SLC51A: variants seen among roughly 807,000 people sequenced by gnomAD.
SLC51A encodes organic solute transporter subunit alpha.
SLC51A carries 22 observed loss-of-function variants against 34.8 expected under a neutral mutation model. The observed-to-expected ratio is 0.63, with a 90% CI of 0.45 to 0.90. The LOEUF (loss-of-function observed/expected upper bound fraction) is 0.90, where lower values mean the gene tolerates loss of function less well. Ranked by LOEUF, SLC51A falls within the 40% of genes least tolerant of loss-of-function variation. SLC51A has a pLI of 0.00. For missense variants in SLC51A, 371 were observed against 414.8 expected (o/e 0.89, Z 0.92); for synonymous variants, 181 against 176.3 (o/e 1.03, Z -0.21).
intron 2 of SLC51A, 99 bp from the exon 3 acceptor site, chr3:196,226,866 G>T: frequency 8.3e-7 from 1 of 1,203,122 alleles, no homozygotes; most frequent in Non-Finnish European, 1.2e-6. Flanking sequence ...TGCACGGGTG[G>T]GAGCCTAGAT....
chr3:196,219,577 T>C (rs1240618294), intron 2 of SLC51A, among the ~76,000 whole-genome samples: 1 of 152,358 alleles, frequency 6.6e-6, no homozygotes, highest in Non-Finnish European at 1.5e-5. Context: ...CGGAGATGCC[T>C]GGTGGCCACT....
chr3:196,231,202 T>C (rs763502953), intron 7 of SLC51A, among the ~76,000 whole-genome samples: 2 of 152,206 alleles, frequency 1.3e-5, no homozygotes, highest in East Asian at 3.8e-4. Flanking sequence ...CAAAGGCACA[T>C]AAGGAACGGG....
chr3:196,228,492 C>T lies in SLC51A; in HGVS notation c.521+219C>T. 2 of 636,630 alleles carry T rather than the reference C, an allele frequency of 3.1e-6. No individual in the cohort carries two copies. The highest frequency in any genetic ancestry group is 5.4e-6 in the Non-Finnish European group (2 of 372,826). 39.4% of individuals were successfully genotyped at this position (636,630 alleles called of 1,614,324 possible). ...CATCACTGAACTTCACTGCACCCTG[C>T]AAGCCTTAGCCACACAGAGAAAACT... On this transcript the variant is annotated intron_variant, in intron 5 of 8. Transcript: ENST00000296327. The surrounding 1 kb of genome is among the most constrained non-coding windows in gnomAD (Gnocchi z 4.9).
Position 196,229,986 on chromosome 3 carries a change from C to T in SLC51A, c.705C>T (p.Thr235=). 6.2e-7 allele frequency: 1 copy of T among 1,613,824 alleles called. No individual in the cohort carries two copies. The part of the protein sequence containing the change: ...LGVSTLLALW[T]LGIISRQARL... Reference sequence around the variant, plus strand: ...TGTCCACACTGCTGGCTCTCTGGACCCTGGGCATCATTTCCCGTCAAGCCA... The same window carrying T: ...TGTCCACACTGCTGGCTCTCTGGACTCTGGGCATCATTTCCCGTCAAGCCA... The change falls in exon 7 of 9, where the codon ACC becomes ACT. Residue 235 remains threonine, a synonymous_variant. Coordinates refer to ENST00000296327, the MANE Select transcript of SLC51A (RefSeq NM_152672.6).
chr3:196,219,471 A>T (rs1450335549), intron 2 of SLC51A, among the ~76,000 whole-genome samples: 1 of 152,190 alleles, frequency 6.6e-6, no homozygotes, highest in African/African-American at 2.4e-5. Flanking sequence ...GGAAGCTCTC[A>T]GTGTGCGTTC....
chr3:196,219,750 C>T (rs555085631), intron 2 of SLC51A, among the ~76,000 whole-genome samples: 107 of 152,334 alleles, frequency 7.0e-4, no homozygotes, highest in South Asian at 5.6e-3. Context: ...GAAGGTGCTA[C>T]TGGCATCTCG....
At chr3:196,232,056 G>C (rs1724039524) in intron 7 of SLC51A, among the ~76,000 whole-genome samples, 5 of 152,082 alleles carry the variant, frequency 3.3e-5, no homozygotes, top group Admixed American at 3.3e-4. Flanking sequence ...CTAGGAGCAG[G>C]GACCTCAGGC....
At chr3:196,225,560 G>A (rs1430494784) in intron 2 of SLC51A, among the ~76,000 whole-genome samples, 2 of 152,174 alleles carry the variant, frequency 1.3e-5, no homozygotes, top group Non-Finnish European at 2.9e-5. Flanking sequence ...CTCTTATCTA[G>A]TCAGGTAGCA....
In SLC51A at chr3:196,228,315, C is replaced by A; in HGVS notation, c.521+42C>A. The A allele has an allele frequency of 6.3e-7, 1 of 1,581,644 alleles. No homozygotes were observed. The highest frequency in any genetic ancestry group is 8.6e-7 in the Non-Finnish European group (1 of 1,167,908). ...GTGCCTTCCCCAGGAGCCGGGGAGC[C>A]TCTCCTGGACCCCTGGTCCCCTTCA... On this transcript the variant is annotated intron_variant, in intron 5 of 8. Coordinates refer to ENST00000296327, the MANE Select transcript of SLC51A (RefSeq NM_152672.6). The surrounding 1 kb of genome is among the most constrained non-coding windows in gnomAD (Gnocchi z 4.9).
In SLC51A at chr3:196,231,586, C is replaced by A. The variant is rs115756611; in HGVS notation, c.781-833C>A. On this transcript the variant is annotated intron_variant, in intron 7 of 8. Coordinates refer to ENST00000296327, the MANE Select transcript of SLC51A (RefSeq NM_152672.6). ...GGGCTATGGGAATAGAGAGAGAAGT[C>A]CCCGGAATGAGTCAGGGACTGAAGG... Among the ~76,000 whole-genome samples, 429 of 152,238 alleles carry A rather than the reference C, an allele frequency of 2.8e-3. 1 individual carries two copies. The highest frequency in any genetic ancestry group is 0.01 in the African/African-American group (417 of 41,546).
At chr3:196,218,011 GC>G in intron 2 of SLC51A, 75 bp downstream of exon 2, 1 of 1,387,500 alleles carries the variant, frequency 7.2e-7, no homozygotes. Context: ...GGGAGAGGCG[GC>G]CCTGAGCTGG....
intron 1 of SLC51A, among the ~76,000 whole-genome samples, chr3:196,217,045 C>T (rs1005525603): frequency 2.4e-4 from 36 of 152,336 alleles, no homozygotes; most frequent in Admixed American, 1.4e-3. Flanking sequence ...GGGGCCCGTC[C>T]GTCTGTAAGG....
At chr3:196,225,394 C>A (rs1399350125) in intron 2 of SLC51A, among the ~76,000 whole-genome samples, 2 of 152,112 alleles carry the variant, frequency 1.3e-5, no homozygotes, top group African/African-American at 4.8e-5. Flanking sequence ...CACCTTTCTC[C>A]CTGTTTTGGT....
chr3:196,225,061 G>A (rs6807596), intron 2 of SLC51A, among the ~76,000 whole-genome samples: 63,840 of 148,232 alleles, frequency 0.43, 14,736 homozygotes, highest in East Asian at 0.87. Context: ...GGAGTGCAGC[G>A]GTGTGATCCT....
In SLC51A at chr3:196,217,923, C is replaced by G; in HGVS notation, c.120C>G (p.Ala40=). 1 of 1,612,788 alleles carries G rather than the reference C, an allele frequency of 6.2e-7. No individual in the cohort carries two copies. Among genetic ancestry groups the G allele is most frequent in the Non-Finnish European group, 8.5e-7 (1 of 1,179,436 alleles). ...GCTTCTCTCAGCCTCCCACAGCAGC[C>G]CAACTCCTGAGAGGTGAGTGGGGAC... ...SACFSQPPTA[A]QLLRALGPVE... is the part of the protein sequence containing the mutation. The change falls in exon 2 of 9, where the codon GCC becomes GCG. Residue 40 remains alanine, a synonymous_variant. Transcript: ENST00000296327.
chr3:196,233,034 C>A, intron 8 of SLC51A, 29 bp from the exon 9 acceptor site: 1 of 1,611,500 alleles, frequency 6.2e-7, no homozygotes, highest in Non-Finnish European at 8.5e-7. Flanking sequence ...CTCAGCATAA[C>A]CTACGCTGTA....
intron 2 of SLC51A, chr3:196,223,949 T>C (rs1450017288): frequency 1.4e-5 from 5 of 361,662 alleles, no homozygotes; most frequent in South Asian, 9.8e-5. Context: ...AACCTCCACC[T>C]CCCAGTTCAA....
At chr3:196,229,399 A>G (rs1723976444) in intron 6 of SLC51A, among the ~76,000 whole-genome samples, 1 of 131,510 alleles carries the variant, frequency 7.6e-6, no homozygotes, top group Non-Finnish European at 1.6e-5. Flanking sequence ...TTTTTTTGAG[A>G]CGGAGTTTCT....
At chr3:196,227,141 TG>T (rs769801943) in intron 3 of SLC51A, 22 bp downstream of exon 3, 3 of 1,609,186 alleles carry the variant, frequency 1.9e-6, no homozygotes, top group South Asian at 2.2e-5. Flanking sequence ...GGGGCTGCCC[TG>T]TGGGGGGAAC....
Sources: allele counts gnomAD v4.1 joint callset (sites outside exome capture counted in the v4.1 genomes callset), GRCh38; gene constraint gnomAD v4.1.1; non-coding constraint Gnocchi (gnomAD v3.1); transcripts MANE v1.5; gene names NCBI Gene and HGNC (gene_info 2026-07-23, HGNC 2026-07-21).